The following PRKCA variants were observed in gnomAD, a reference collection of about 807,000 sequenced individuals.
PRKCA encodes protein kinase C alpha type.
In PRKCA, 27 loss-of-function variants were observed where a neutral mutation model predicts 87.0. That is an observed-to-expected ratio of 0.31 (90% CI 0.23 to 0.43). The LOEUF is 0.43. Among genes scored for constraint, PRKCA ranks in the 20% least tolerant of loss-of-function variants. The probability of loss-of-function intolerance (pLI) is 1.00; values close to 1 mark genes in which losing one functional copy is unlikely to be tolerated. For missense variants in PRKCA, 518 were observed against 852.3 expected (o/e 0.61, Z 4.88); for synonymous variants, 329 against 311.1 (o/e 1.06, Z -0.61).
chr17:66,587,812 TATATGTATACATATATAC>T (rs1969655806), intron 3 of PRKCA, among the ~76,000 whole-genome samples: 1 of 127,430 alleles, frequency 7.8e-6, no homozygotes, highest in Non-Finnish European at 1.7e-5. Flanking sequence ...TATGTGTGTG[TATATGTATACATATATAC>T]GTATATGTGT....
intron 13 of PRKCA, among the ~76,000 whole-genome samples, chr17:66,743,807 C>T (rs1457194269): frequency 6.6e-6 from 1 of 152,132 alleles, no homozygotes; most frequent in Admixed American, 6.6e-5. Context: ...ACAGATTACC[C>T]CATGCATTTA....
chr17:66,711,760 A>G (rs1439390852), intron 8 of PRKCA, among the ~76,000 whole-genome samples: 1 of 152,174 alleles, frequency 6.6e-6, no homozygotes, highest in East Asian at 1.9e-4. Context: ...TGGAATCCAC[A>G]TCTAATGCTC....
intron 3 of PRKCA, among the ~76,000 whole-genome samples, chr17:66,560,702 C>A (rs566666537): frequency 1.3e-5 from 2 of 152,194 alleles, no homozygotes; most frequent in Non-Finnish European, 2.9e-5. Context: ...CCTCCCAGCT[C>A]TGTTTTCTAA....
intron 3 of PRKCA, among the ~76,000 whole-genome samples, chr17:66,628,961 A>C (rs1970932808): frequency 6.6e-6 from 1 of 152,194 alleles, no homozygotes; most frequent in Non-Finnish European, 1.5e-5. Context: ...CCTGGGAGGC[A>C]GAGGTTGCAG....
rs990172962 is a variant in PRKCA at position 66,331,415 on chromosome 17, T to C, written c.205+25288T>C. ...ATTTAGTATCTTTATACTTTTGTTG[T>C]GTTAGTTGTGATCAGCAAAGTTCTA... On this transcript the variant is annotated intron_variant, in intron 2 of 16. Transcript: ENST00000413366. 2.0e-5 allele frequency among the ~76,000 whole-genome samples: 3 copies of C among 152,232 alleles called. No individual in the cohort carries two copies. The East Asian group carries it at 5.8e-4, about 29-fold the overall frequency.
intron 3 of PRKCA, among the ~76,000 whole-genome samples, chr17:66,522,229 G>A (rs1967184918): frequency 6.6e-6 from 1 of 152,214 alleles, no homozygotes; most frequent in Non-Finnish European, 1.5e-5. Context: ...TACCCCGAAT[G>A]GCAGGCCACC....
At position 66,441,161 on chromosome 17, in the gene PRKCA, CCAAAAAAAAA is replaced by C. The variant is rs1467887676; in HGVS notation, c.206-55039_206-55030del. On this transcript the variant is annotated intron_variant, in intron 2 of 16. Transcript: ENST00000413366. The stretch of plus-strand genomic sequence containing the variant: ...TGGGAGACAAAGCGAAACTCTGTCT[CCAAAAAAAAA>C]AAAAAAAAAAAAAAAAAGTAAATTA... Among the ~76,000 whole-genome samples the C allele has an allele frequency of 1.8e-3, 176 of 96,374 alleles. 1 individual carries two copies. The highest frequency in any genetic ancestry group is 2.6e-3 in the Non-Finnish European group (130 of 50,542). The allele number at this position is 96,374 out of a possible 152,430, so 63.2% of individuals were successfully genotyped here.
chr17:66,610,414 C>G (rs1567929786), intron 3 of PRKCA, among the ~76,000 whole-genome samples: 2 of 152,134 alleles, frequency 1.3e-5, no homozygotes. Flanking sequence ...GACCCTCACC[C>G]CTTCCTGGAG....
chr17:66,339,309 AATCT>A (rs1032004918), intron 2 of PRKCA, among the ~76,000 whole-genome samples: 2 of 152,198 alleles, frequency 1.3e-5, no homozygotes, highest in African/African-American at 4.8e-5. Context: ...AGAAATAGTT[AATCT>A]ATCTTTCTTT....
In PRKCA at chr17:66,578,135, T is replaced by A. The variant is rs1194933135; in HGVS notation, c.289-63220T>A. Among the ~76,000 whole-genome samples, 6 of 140,464 alleles carry A rather than the reference T, an allele frequency of 4.3e-5. No individual in the cohort carries two copies. The East Asian group carries it at 8.4e-4, about 20-fold the overall frequency. The allele number at this position is 140,464 out of a possible 152,430, so 92.1% of individuals were successfully genotyped here. A position where few individuals can be genotyped will look rare whatever the true frequency, so the allele number is the denominator to read the frequency against. On this transcript the variant is annotated intron_variant, in intron 3 of 16. Coordinates refer to ENST00000413366, the MANE Select transcript of PRKCA (RefSeq NM_002737.3). ...CAGCCAGCTAACGAGAGACTGAATT[T>A]AAAACAAAACAAAACAAAACAAAAC...
At chr17:66,312,760 A>T (rs929258841) in intron 2 of PRKCA, among the ~76,000 whole-genome samples, 2 of 129,700 alleles carry the variant, frequency 1.5e-5, no homozygotes, top group East Asian at 4.3e-4. Flanking sequence ...TTTGTGAGAC[A>T]GAGTGTCACT....
At chr17:66,502,386 C>T (rs1304894473) in intron 3 of PRKCA, among the ~76,000 whole-genome samples, 2 of 151,936 alleles carry the variant, frequency 1.3e-5, no homozygotes, top group Non-Finnish European at 2.9e-5. Flanking sequence ...GGGCATGCAC[C>T]ACCACACTCG....
chr17:66,661,122 A>G (rs1001893933), intron 5 of PRKCA, among the ~76,000 whole-genome samples: 1 of 152,044 alleles, frequency 6.6e-6, no homozygotes, highest in East Asian at 1.9e-4. Context: ...AACACGTTAG[A>G]CTTTCTTTGC....
chr17:66,346,373 A>T (rs1907369075), intron 2 of PRKCA, among the ~76,000 whole-genome samples: 1 of 151,934 alleles, frequency 6.6e-6, no homozygotes, highest in Non-Finnish European at 1.5e-5. Flanking sequence ...CTAAGATTAC[A>T]GGCCTGAGCC....
Position 66,804,045 on chromosome 17 carries a change from C to T in PRKCA, c.*8C>T, listed in dbSNP as rs1279751685. 1 of 1,595,546 alleles carries T rather than the reference C, an allele frequency of 6.3e-7. No individual in the cohort carries two copies. The highest frequency in any genetic ancestry group is 8.6e-7 in the Non-Finnish European group (1 of 1,164,866). ...TTACAGAGTGCAGTATGAAACTCACCAGCGAGAACAAACACCTCCCCAGCC... is the reference window on the plus strand; with the variant it reads ...TTACAGAGTGCAGTATGAAACTCACTAGCGAGAACAAACACCTCCCCAGCC... On this transcript the variant is annotated 3_prime_UTR_variant, in exon 17 of 17. Coordinates refer to ENST00000413366, the MANE Select transcript of PRKCA (RefSeq NM_002737.3).
chr17:66,759,895 T>C lies in PRKCA; in HGVS notation c.1525-14092T>C, dbSNP rs117813291. Among the ~76,000 whole-genome samples the C allele has an allele frequency of 3.8e-3, 586 of 152,348 alleles. 2 individuals carry two copies. The highest frequency in any genetic ancestry group is 0.01 in the Middle Eastern group (3 of 294). ...AGAAAACATAGCAGTTGTTAATGTG[T>C]GCGTCTGACAGCAGAGCATTGAAAT... On this transcript the variant is annotated intron_variant, in intron 13 of 16. Transcript: ENST00000413366.
At chr17:66,732,381 C>T (rs1430173168) in intron 8 of PRKCA, among the ~76,000 whole-genome samples, 1 of 152,156 alleles carries the variant, frequency 6.6e-6, no homozygotes, top group Non-Finnish European at 1.5e-5. Context: ...CCCAAGAAGT[C>T]GACTTTGACA....
rs192162359 is a variant in PRKCA, at chr17:66,805,339, G to A, written c.*1302G>A. ...GTGAATCTATATTATTGATATAATC[G>A]TATCAAGTATAAAGAGAGTATTATA... is the stretch of plus-strand genomic sequence containing the variant. On this transcript the variant is annotated 3_prime_UTR_variant, in exon 17 of 17. Coordinates refer to ENST00000413366, the MANE Select transcript of PRKCA (RefSeq NM_002737.3). 9.9e-5 allele frequency: 16 copies of A among 161,726 alleles called. No individual in the cohort carries two copies. Among genetic ancestry groups the A allele is most frequent in the East Asian group, 1.9e-4 (1 of 5,254 alleles). 10.0% of individuals were successfully genotyped at this position (161,726 alleles called of 1,614,324 possible).
At chr17:66,452,950 G>T (rs1268593895) in intron 2 of PRKCA, among the ~76,000 whole-genome samples, 1 of 152,228 alleles carries the variant, frequency 6.6e-6, no homozygotes, top group Non-Finnish European at 1.5e-5. Flanking sequence ...GCAAGTGCCT[G>T]TTTGAACCCC....
Sources: gnomAD v4.1 joint callset for allele counts (sites outside exome capture counted in the v4.1 genomes callset) on GRCh38, gnomAD v4.1.1 for gene constraint, MANE v1.5 for transcripts, NCBI Gene and HGNC (gene_info 2026-07-23, HGNC 2026-07-21) for gene names.